MBD3: variants seen among roughly 807,000 people sequenced by gnomAD.
The protein encoded by MBD3 is methyl-CpG-binding domain protein 3.
Under a neutral mutation model 31.2 loss-of-function variants are expected in MBD3, and 13 were observed. The observed-to-expected ratio is 0.42, with a 90% CI of 0.27 to 0.66. MBD3 has a LOEUF of 0.66. Ranked by LOEUF, MBD3 falls within the 30% of genes least tolerant of loss-of-function variation. The probability of loss-of-function intolerance (pLI) is 0.26; values close to 1 mark genes in which losing one functional copy is unlikely to be tolerated. For synonymous variants in MBD3, 223 were observed against 187.4 expected (o/e 1.19, Z -1.55); for missense variants, 440 against 426.5 (o/e 1.03, Z -0.28).
intron 4 of MBD3, among the ~76,000 whole-genome samples, chr19:1,582,117 G>T (rs540199721): frequency 6.6e-6 from 1 of 152,128 alleles, no homozygotes; most frequent in Admixed American, 6.6e-5. Flanking sequence ...GTCCAAGCTG[G>T]TCTTAAACTT....
chr19:1,582,777 T>C, intron 3 of MBD3, 65 bp from the exon 4 acceptor site: 1 of 1,484,336 alleles, frequency 6.7e-7, no homozygotes, highest in South Asian at 1.2e-5. Flanking sequence ...AGGTCCTTGC[T>C]GGGCTCCAGG....
In MBD3 at chr19:1,578,776, T is replaced by G. The variant is rs1388617564; in HGVS notation, c.678-238A>C. ...CAGATGGCCCCCCTGCCACCTCTAC[T>G]GGGACCAAGGGAGGGGCCTGACCCT... On this transcript the variant is annotated intron_variant, in intron 5 of 6. Transcript: ENST00000434436. This position sits in a 1 kb window ranked among gnomAD's most constrained non-coding sequence, Gnocchi z 6.1. Among the ~76,000 whole-genome samples, 1 of 152,108 alleles carries G rather than the reference T, an allele frequency of 6.6e-6. No individual in the cohort carries two copies. The highest frequency in any genetic ancestry group is 6.5e-5 in the Admixed American group (1 of 15,278).
At position 1,578,171 on chromosome 19, in the gene MBD3, G is replaced by C. The variant is rs774350992; in HGVS notation, c.*6-13C>G. ...CTCGGCAGGGCCTCTGGAAAGGACA[G>C]GGAGGGCTGGCTTTAGCGACTCCAC... On this transcript the variant is annotated splice_polypyrimidine_tract_variant and intron_variant, in intron 6 of 6. Transcript: ENST00000434436. This position sits in a 1 kb window ranked among gnomAD's most constrained non-coding sequence, Gnocchi z 6.1. 120 of 1,097,794 alleles carry C rather than the reference G, an allele frequency of 1.1e-4. 3 individuals are homozygous for C. In the Middle Eastern group the frequency reaches 2.1e-3, roughly 20 times the overall value. 68.0% of individuals were successfully genotyped at this position (1,097,794 alleles called of 1,614,324 possible).
In MBD3 at chr19:1,585,716, GAA is replaced by G. The variant is rs1311819086; in HGVS notation, c.111-504_111-503del. 6.6e-6 allele frequency among the ~76,000 whole-genome samples: 1 copy of G among 152,218 alleles called. No individual in the cohort carries two copies. The highest frequency in any genetic ancestry group is 1.5e-5 in the Non-Finnish European group (1 of 68,042). On this transcript the variant is annotated intron_variant, in intron 1 of 6. Transcript: ENST00000434436. This position sits in a 1 kb window ranked among gnomAD's most constrained non-coding sequence, Gnocchi z 4.1. ...CATGGAATTTAGGTCACATTCTTGA[GAA>G]AAGACCCCACGGAGAACAGGTATGT...
chr19:1,578,379 C>T lies in MBD3; in HGVS notation c.837G>A (p.Glu279=), dbSNP rs575420688. ...TCTCCGGGTCCGGGTCGGGCTCCTCCTCCTCCTCCTCCTCGTCTTCCTCGT... is the reference window on the plus strand; with the variant it reads ...TCTCCGGGTCCGGGTCGGGCTCCTCTTCCTCCTCCTCCTCGTCTTCCTCGT... The part of the protein sequence containing the change: ...DDDEEDEEEE[E]EEPDPDPEME... The change falls in exon 6 of 7, where the codon GAG becomes GAA. Residue 279 remains glutamate, a synonymous_variant. Transcript: ENST00000434436. The surrounding 1 kb of genome is among the most constrained non-coding windows in gnomAD (Gnocchi z 6.1). 5.0e-5 allele frequency: 80 copies of T among 1,603,668 alleles called. No individual in the cohort carries two copies. The East Asian group carries it at 8.0e-4, about 16-fold the overall frequency.
rs969222983 is a variant in MBD3 at position 1,585,538 on chromosome 19, A to G, written c.111-324T>C. Reference sequence around the variant, plus strand: ...CCTCCACATCGGATCCTTGCTCCAGACCCCCAACCCCGGTCCCCTCTGAAT... The same window carrying G: ...CCTCCACATCGGATCCTTGCTCCAGGCCCCCAACCCCGGTCCCCTCTGAAT... On this transcript the variant is annotated intron_variant, in intron 1 of 6. Transcript: ENST00000434436. The surrounding 1 kb of genome is among the most constrained non-coding windows in gnomAD (Gnocchi z 4.1). The G allele has an allele frequency of 5.2e-5, 19 of 365,586 alleles. No individual in the cohort carries two copies. Among genetic ancestry groups the G allele is most frequent in the Admixed American group, 3.3e-4 (8 of 24,502 alleles). 22.6% of individuals were successfully genotyped at this position (365,586 alleles called of 1,614,324 possible). A position where few individuals can be genotyped will look rare whatever the true frequency, so the allele number is the denominator to read the frequency against.
Position 1,581,249 on chromosome 19 carries a change from C to T in MBD3, c.520G>A (p.Asp174Asn), listed in dbSNP as rs143527255. The T allele has an allele frequency of 9.9e-6, 16 of 1,610,096 alleles. No homozygotes were observed. In the African/African-American group the frequency reaches 2.0e-4, roughly 20 times the overall value. Residue 174 changes from aspartate (D) to asparagine (N), a missense_variant, in exon 5 of 7, where the codon GAT becomes AAT. Coordinates refer to ENST00000434436, the MANE Select transcript of MBD3 (RefSeq NM_001281453.2). ...GLQGVGPGCT[D>N]ETLLSAIASA... ...GCGATGGCCGACAGCAGCGTCTCAT[C>T]CGTGCAGCCAGGTCCCACCCCTGCC...
At chr19:1,579,520 T>G (rs1363033146) in intron 5 of MBD3, among the ~76,000 whole-genome samples, 1 of 152,114 alleles carries the variant, frequency 6.6e-6, no homozygotes, top group Non-Finnish European at 1.5e-5. Flanking sequence ...TCTGTTCTGC[T>G]TTCAGTCCCA....
intron 1 of MBD3, among the ~76,000 whole-genome samples, chr19:1,587,385 C>A (rs1157589769): frequency 6.6e-6 from 1 of 151,912 alleles, no homozygotes; most frequent in Admixed American, 6.6e-5. Flanking sequence ...AAAGGTGAGT[C>A]ATCACGCCCT....
intron 5 of MBD3, 127 bp downstream of exon 5, chr19:1,580,965 G>T: frequency 8.0e-7 from 1 of 1,245,242 alleles, no homozygotes; most frequent in Non-Finnish European, 1.1e-6. Flanking sequence ...TGCCCTGGCT[G>T]TTTCTGTTTC....
intron 5 of MBD3, 72 bp downstream of exon 5, chr19:1,581,020 A>G: frequency 1.3e-6 from 2 of 1,559,170 alleles, no homozygotes; most frequent in Non-Finnish European, 1.8e-6. Context: ...ACGCAGGCAC[A>G]CGGGGACACT....
intron 1 of MBD3, among the ~76,000 whole-genome samples, chr19:1,588,195 T>C (rs1236512291): frequency 1.3e-5 from 2 of 152,210 alleles, no homozygotes; most frequent in African/African-American, 4.8e-5. Flanking sequence ...GCATGTCCAG[T>C]AGGACAGGAC....
At chr19:1,581,663 T>C (rs1158632306) in intron 4 of MBD3, 1 of 336,270 alleles carries the variant, frequency 3.0e-6, no homozygotes, top group African/African-American at 2.1e-5. Flanking sequence ...GAGAACCACT[T>C]GAGCCCGGGA....
chr19:1,581,313 C>T (rs145952930), intron 4 of MBD3, 44 bp from the exon 5 acceptor site: 97 of 1,585,342 alleles, frequency 6.1e-5, no homozygotes, highest in East Asian at 9.1e-5. Flanking sequence ...GAGGTCACCA[C>T]GGGGCAGCTG....
At chr19:1,592,375 G>A (rs1201407644) in intron 1 of MBD3, 147 bp downstream of exon 1, 21 of 190,436 alleles carry the variant, frequency 1.1e-4, no homozygotes, top group Non-Finnish European at 2.0e-4. Flanking sequence ...TCCGCGCGCC[G>A]GGCGCACACG....
chr19:1,585,674 G>A lies in MBD3; in HGVS notation c.111-460C>T, dbSNP rs2060676002. 1 of 200,848 alleles carries A rather than the reference G, an allele frequency of 5.0e-6. No homozygotes were observed. Among genetic ancestry groups the A allele is most frequent in the Non-Finnish European group, 1.0e-5 (1 of 97,362 alleles). 12.4% of individuals were successfully genotyped at this position (200,848 alleles called of 1,614,324 possible). A position where few individuals can be genotyped will look rare whatever the true frequency, so the allele number is the denominator to read the frequency against. Reference sequence around the variant, plus strand: ...CCGGCTCTGGGAGGATGGCTCACATGTCCAGAACATTCCAGACATGGAATT... The same window carrying A: ...CCGGCTCTGGGAGGATGGCTCACATATCCAGAACATTCCAGACATGGAATT... On this transcript the variant is annotated intron_variant, in intron 1 of 6. Coordinates refer to ENST00000434436, the MANE Select transcript of MBD3 (RefSeq NM_001281453.2). The surrounding 1 kb of genome is among the most constrained non-coding windows in gnomAD (Gnocchi z 4.1).
rs1209003396 is a variant in MBD3, at chr19:1,574,479, C to G, written c.*3685G>C. 6.6e-6 allele frequency: 1 copy of G among 152,420 alleles called. No homozygotes were observed. Among genetic ancestry groups the G allele is most frequent in the African/African-American group, 2.4e-5 (1 of 41,456 alleles). 9.4% of individuals were successfully genotyped at this position (152,420 alleles called of 1,614,324 possible). A position where few individuals can be genotyped will look rare whatever the true frequency, so the allele number is the denominator to read the frequency against. ...CGTGTCGGTGTCTGTGTGTCTCTTG[C>G]TGAGGGTGGACTCCTCCAGGGGCAT... On this transcript the variant is annotated 3_prime_UTR_variant, in exon 7 of 7. Coordinates refer to ENST00000434436, the MANE Select transcript of MBD3 (RefSeq NM_001281453.2).
chr19:1,578,413 T>C lies in MBD3; in HGVS notation c.803A>G (p.Glu268Gly). 1 of 1,605,182 alleles carries C rather than the reference T, an allele frequency of 6.2e-7. No homozygotes were observed. Among genetic ancestry groups the C allele is most frequent in the Non-Finnish European group, 8.5e-7 (1 of 1,179,748 alleles). ...GEAPLDKACA[E>G]DDDEEDEEEE... The stretch of plus-strand genomic sequence containing the variant: ...CTCCTCGTCTTCCTCGTCGTCGTCC[T>C]CAGCGCAGGCCTTGTCCAGCGGCGC... The change falls in exon 6 of 7, where the codon GAG (glutamate) becomes GGG (glycine). Residue 268 changes from glutamate (E) to glycine (G), a missense_variant. Around this residue, in one of 3 missense-constraint regions of MBD3, gnomAD observed 117 missense variants for 95.0 expected, o/e 1.23. Transcript: ENST00000434436. The surrounding 1 kb of genome is among the most constrained non-coding windows in gnomAD (Gnocchi z 6.1).
In MBD3 at chr19:1,573,831, G is replaced by C. The variant is rs1424052580; in HGVS notation, c.*4333C>G. 1 of 152,142 alleles carries C rather than the reference G, an allele frequency of 6.6e-6. No individual in the cohort carries two copies. The highest frequency in any genetic ancestry group is 1.5e-5 in the Non-Finnish European group (1 of 68,036). The allele number at this position is 152,142 out of a possible 1,614,324, so 9.4% of individuals were successfully genotyped here. On this transcript the variant is annotated 3_prime_UTR_variant, in exon 7 of 7. Coordinates refer to ENST00000434436, the MANE Select transcript of MBD3 (RefSeq NM_001281453.2). ...CCCGTGGCCAACATGGTGAAACCCT[G>C]TCTCTACTAAAAGTACAAAGATTAG...
Sources: allele counts gnomAD v4.1 joint callset (sites outside exome capture counted in the v4.1 genomes callset), GRCh38; gene constraint gnomAD v4.1.1; regional missense constraint gnomAD v4.1.1; non-coding constraint Gnocchi (gnomAD v3.1); transcripts MANE v1.5; gene names NCBI Gene and HGNC (gene_info 2026-07-23, HGNC 2026-07-21).